Variants in TGM2 observed in about 807,000 individuals in gnomAD.
The protein encoded by TGM2 is transglutaminase 2, also known as protein-glutamine gamma-glutamyltransferase 2.
TGM2 carries 53 observed loss-of-function variants against 75.6 expected under a neutral mutation model. The ratio of observed to expected loss-of-function variants is 0.70; its 90% CI spans 0.56 to 0.88. The LOEUF (loss-of-function observed/expected upper bound fraction) is 0.88, where lower values mean the gene tolerates loss of function less well. Ranked by LOEUF, TGM2 falls within the 40% of genes least tolerant of loss-of-function variation. The probability of loss-of-function intolerance (pLI) is 0.00; values close to 1 mark genes in which losing one functional copy is unlikely to be tolerated. For missense variants in TGM2, 842 were observed against 928.5 expected (o/e 0.91, Z 1.21); for synonymous variants, 374 against 381.1 (o/e 0.98, Z 0.22).
At chr20:38,137,927 C>A (rs958949404) in intron 10 of TGM2, 186 bp downstream of exon 10, 1 of 1,346,178 alleles carries the variant, frequency 7.4e-7, no homozygotes, top group East Asian at 2.5e-5. Context: ...TAGAATCCAC[C>A]CCCTCACTCT....
At chr20:38,152,691 C>T (rs1342186614) in intron 3 of TGM2, among the ~76,000 whole-genome samples, 1 of 152,236 alleles carries the variant, frequency 6.6e-6, no homozygotes, top group Admixed American at 6.5e-5. Context: ...CAGGCAGACC[C>T]GGCCCTTTCC....
At chr20:38,154,142 T>G (rs2075152899) in intron 3 of TGM2, among the ~76,000 whole-genome samples, 1 of 152,166 alleles carries the variant, frequency 6.6e-6, no homozygotes, top group South Asian at 2.1e-4. Context: ...GGCTTGAAGC[T>G]TTTCTAAAGA....
chr20:38,146,203 T>C, intron 6 of TGM2: 1 of 156,702 alleles, frequency 6.4e-6, no homozygotes, highest in Non-Finnish European at 1.4e-5. Flanking sequence ...TAGAACATGC[T>C]TTCTTTCTTG....
intron 11 of TGM2, 134 bp downstream of exon 11, chr20:38,132,206 G>T: frequency 2.0e-6 from 2 of 981,660 alleles, no homozygotes; most frequent in Non-Finnish European, 3.1e-6. Flanking sequence ...ATGAGGCTAG[G>T]ATTTGAGGAT....
intron 3 of TGM2, among the ~76,000 whole-genome samples, chr20:38,152,255 G>A (rs1471643746): frequency 2.6e-5 from 4 of 152,182 alleles, no homozygotes; most frequent in Non-Finnish European, 4.4e-5. Flanking sequence ...TGGGAAGGAA[G>A]CAGCTGCCGG....
intron 6 of TGM2, 38 bp downstream of exon 6, chr20:38,146,679 C>T (rs774966189): frequency 2.5e-6 from 4 of 1,611,784 alleles, no homozygotes; most frequent in South Asian, 2.2e-5. Flanking sequence ...CGTGCCCCCT[C>T]CCAGGGCTCA....
chr20:38,132,276 G>C (rs1179705941), intron 11 of TGM2, 64 bp downstream of exon 11: 1 of 1,589,982 alleles, frequency 6.3e-7, no homozygotes, highest in African/African-American at 1.3e-5. Context: ...TGGGGGTAGG[G>C]ATCTGCCCTC....
Position 38,165,180 on chromosome 20 carries a change from G to A in TGM2, c.10+9C>T. ...CCTGAGTGGCGGCTGCGGTGACTCT[G>A]ATACTCACCCTCGGCCATGGTCGGG... On this transcript the variant is annotated intron_variant, in intron 1 of 12. Coordinates refer to ENST00000361475, the MANE Select transcript of TGM2 (RefSeq NM_004613.4). 6.2e-7 allele frequency: 1 copy of A among 1,613,496 alleles called. No homozygotes were observed. Among genetic ancestry groups the A allele is most frequent in the Non-Finnish European group, 8.5e-7 (1 of 1,179,888 alleles).
chr20:38,161,735 G>C (rs2122973705), intron 1 of TGM2, 136 bp from the exon 2 acceptor site: 1 of 1,049,580 alleles, frequency 9.5e-7, no homozygotes, highest in Non-Finnish European at 1.4e-6. Context: ...CGACTGACCT[G>C]TCTCCCCAGC....
chr20:38,147,534 G>A lies in TGM2; in HGVS notation c.681+427C>T, dbSNP rs150558296. On this transcript the variant is annotated intron_variant, in intron 5 of 12. Coordinates refer to ENST00000361475, the MANE Select transcript of TGM2 (RefSeq NM_004613.4). ...CCTGAGCCTGGCCCTGCAGTCCAAC[G>A]CTCTCACACCTCGGGTTCCTTCAGA... Among the ~76,000 whole-genome samples the A allele has an allele frequency of 1.6e-3, 240 of 152,180 alleles. 4 individuals carry two copies. The highest frequency in any genetic ancestry group is 2.5e-3 in the Non-Finnish European group (171 of 68,004).
At chr20:38,152,444 C>T (rs1479316766) in intron 3 of TGM2, among the ~76,000 whole-genome samples, 1 of 152,138 alleles carries the variant, frequency 6.6e-6, no homozygotes, top group Non-Finnish European at 1.5e-5. Context: ...CTGCAGCAGC[C>T]GGGGGGTGTG....
chr20:38,166,018 TGTG>T (rs1253753694), upstream of TGM2, among the ~76,000 whole-genome samples: 2 of 64,388 alleles, frequency 3.1e-5, no homozygotes, highest in Non-Finnish European at 1.1e-4. Flanking sequence ...CACTGTCAGA[TGTG>T]GACGCAAAAT....
At position 38,132,579 on chromosome 20, in the gene TGM2, A is replaced by G. The variant is rs765977280; in HGVS notation, c.1616-79T>C. On this transcript the variant is annotated intron_variant, in intron 10 of 12. Transcript: ENST00000361475. ...TCTCTTGCAACTCCAAGAGGCACAG[A>G]GAGGGGAAGGAATGTGCTTGGGGTC... The G allele has an allele frequency of 3.2e-6, 5 of 1,578,542 alleles. No homozygotes were observed. In the South Asian group the frequency reaches 5.6e-5, roughly 18 times the overall value.
At chr20:38,167,113 G>A (rs2075317954), upstream of TGM2, among the ~76,000 whole-genome samples, 1 of 152,108 alleles carries the variant, frequency 6.6e-6, no homozygotes, top group Non-Finnish European at 1.5e-5. Context: ...CAATAACTGG[G>A]GCCCTGAGAT....
chr20:38,151,030 T>G lies in TGM2; in HGVS notation c.461A>C (p.Glu154Ala). The G allele has an allele frequency of 8.7e-6, 14 of 1,614,124 alleles. No homozygotes were observed. Among genetic ancestry groups the G allele is most frequent in the Non-Finnish European group, 1.2e-5 (14 of 1,179,990 alleles). ...PADAVYLDSE[E>A]ERQEYVLTQQ... is the part of the protein sequence containing the mutation. ...GGTGAGGACATACTCCTGCCGCTCC[T>G]CTTCCGAGTCCAGGTACACAGCATC... Residue 154 changes from glutamate to alanine, a missense_variant, in exon 4 of 13, where the codon GAG becomes GCG. Glu to Ala is a moderately radical substitution (Grantham distance 107). Transcript: ENST00000361475.
At chr20:38,153,473 C>T (rs185288829) in intron 3 of TGM2, among the ~76,000 whole-genome samples, 4 of 147,880 alleles carry the variant, frequency 2.7e-5, no homozygotes, top group African/African-American at 1.0e-4. Context: ...TGGAGTGAGG[C>T]GAGATTGCAC....
intron 2 of TGM2, among the ~76,000 whole-genome samples, chr20:38,159,099 A>G (rs1160695439): frequency 6.6e-6 from 1 of 152,186 alleles, no homozygotes; most frequent in African/African-American, 2.4e-5. Flanking sequence ...TGAGGTGGGA[A>G]GGTCAGCAGC....
upstream of TGM2, chr20:38,165,303 C>T (rs1321848954): frequency 1.3e-6 from 2 of 1,557,294 alleles, no homozygotes; most frequent in Non-Finnish European, 1.8e-6. Flanking sequence ...ACTTATAGCC[C>T]GCTTTGGGGC....
chr20:38,157,749 T>C (rs1190677277), intron 2 of TGM2, among the ~76,000 whole-genome samples: 1 of 152,226 alleles, frequency 6.6e-6, no homozygotes, highest in Non-Finnish European at 1.5e-5. Context: ...TCAGTTTTCA[T>C]GAACGCCTCC....
Sources: gnomAD v4.1 joint callset for allele counts (sites outside exome capture counted in the v4.1 genomes callset) on GRCh38, gnomAD v4.1.1 for gene constraint, MANE v1.5 for transcripts, NCBI Gene and HGNC (gene_info 2026-07-23, HGNC 2026-07-21) for gene names.